Variants in GAS6 observed in about 807,000 individuals in gnomAD.
The protein encoded by GAS6 is growth arrest specific 6.
GAS6 carries 41 observed loss-of-function variants against 75.8 expected under a neutral mutation model. The ratio of observed to expected loss-of-function variants is 0.54; its 90% CI spans 0.42 to 0.70. GAS6 has a LOEUF of 0.70. Among genes scored for constraint, GAS6 ranks in the 30% least tolerant of loss-of-function variants. The pLI is 0.00. For missense variants in GAS6, 854 were observed against 940.2 expected (o/e 0.91, Z 1.20); for synonymous variants, 432 against 412.6 (o/e 1.05, Z -0.57).
chr13:113,851,335 GTGGA>G (rs2051873244), intron 2 of GAS6, among the ~76,000 whole-genome samples: 1 of 150,658 alleles, frequency 6.6e-6, no homozygotes, highest in South Asian at 2.1e-4. Context: ...GAATGAGTGG[GTGGA>G]TGGGTGAGTG....
At chr13:113,861,893 G>A (rs1048330224) in intron 2 of GAS6, among the ~76,000 whole-genome samples, 4 of 152,206 alleles carry the variant, frequency 2.6e-5, no homozygotes, top group South Asian at 2.1e-4. Flanking sequence ...AAAAGAAGCC[G>A]ACAGAGGCTG....
At chr13:113,828,271 A>T (rs1053630567) in intron 11 of GAS6, among the ~76,000 whole-genome samples, 5 of 151,996 alleles carry the variant, frequency 3.3e-5, no homozygotes, top group African/African-American at 1.2e-4. Context: ...CTCAAAAAAA[A>T]TAATAATAAT....
chr13:113,850,486 A>T (rs1182123046), intron 2 of GAS6, among the ~76,000 whole-genome samples: 3 of 152,178 alleles, frequency 2.0e-5, no homozygotes, highest in Admixed American at 6.5e-5. Flanking sequence ...AAATGGCGCC[A>T]TTTGGCCCCT....
intron 13 of GAS6, chr13:113,822,531 G>A (rs1016692743): frequency 1.8e-5 from 4 of 223,986 alleles, no homozygotes; most frequent in Middle Eastern, 2.9e-3. Context: ...CCCTGATGGG[G>A]ACCCAGGACC....
intron 4 of GAS6, chr13:113,840,071 C>T: frequency 3.4e-6 from 2 of 583,888 alleles, no homozygotes; most frequent in Middle Eastern, 4.6e-4. Flanking sequence ...AAACTCAGAT[C>T]AACTGGGAGG....
rs377122864 is a variant in GAS6, at chr13:113,854,513, C to G, written c.256-6463G>C. On this transcript the variant is annotated intron_variant, in intron 2 of 14. Transcript: ENST00000327773. ...TGAGACTCACTCTGCCCGTCTCTGC[C>G]CCAAACACAGAGCATGCTCCCGACA... Among the ~76,000 whole-genome samples the G allele has an allele frequency of 4.6e-5, 7 of 152,252 alleles. No homozygotes were observed. In the East Asian group the frequency reaches 1.3e-3, roughly 29 times the overall value.
chr13:113,825,728 G>A (rs1358918130), intron 12 of GAS6, among the ~76,000 whole-genome samples: 5 of 152,246 alleles, frequency 3.3e-5, no homozygotes, highest in Non-Finnish European at 7.3e-5. Flanking sequence ...TCAAGACTGA[G>A]GGAGAACGCG....
At chr13:113,828,263 C>CA (rs1194818933) in intron 11 of GAS6, among the ~76,000 whole-genome samples, 2 of 150,618 alleles carry the variant, frequency 1.3e-5, no homozygotes, top group African/African-American at 4.9e-5. Flanking sequence ...GACTCCGTCT[C>CA]AAAAAAAATA....
intron 8 of GAS6, chr13:113,833,594 TCGGTGTGACAGGCAC>T (rs147789382): frequency 9.0e-5 from 91 of 1,011,860 alleles, no homozygotes; most frequent in South Asian, 6.8e-4. Context: ...GTGTGACAGG[TCGGTGTGACAGGCAC>T]CGGTGTGACA....
In GAS6 at chr13:113,863,257, G is replaced by GC; in HGVS notation, c.255+317dup. Among the ~76,000 whole-genome samples the GC allele has an allele frequency of 6.6e-6, 1 of 152,332 alleles. No homozygotes were observed. The highest frequency in any genetic ancestry group is 3.4e-3 in the Middle Eastern group (1 of 294). On this transcript the variant is annotated intron_variant, in intron 2 of 14. Transcript: ENST00000327773. This position sits in a 1 kb window ranked among gnomAD's most constrained non-coding sequence, Gnocchi z 9.4. ...TCACCTCCAGCCCAGCAGAGGGAGG[G>GC]CCGCGGGGAAGCGGTTTGGGTTTTA...
intron 2 of GAS6, among the ~76,000 whole-genome samples, chr13:113,858,936 C>T (rs368139034): frequency 4.6e-4 from 68 of 147,126 alleles, no homozygotes; most frequent in African/African-American, 9.2e-4. Flanking sequence ...TATGTGTGTG[C>T]GTGTCATGCA....
rs1448697891 is a variant in GAS6 at position 113,826,471 on chromosome 13, A to G, written c.1477+525T>C. ...CCCAGCCTCCCGGCGCCGGCCTCGC[A>G]GGCACCTTCTCTCCCCGGCCTCCCG... On this transcript the variant is annotated intron_variant, in intron 12 of 14. Transcript: ENST00000327773. Among the ~76,000 whole-genome samples the G allele has an allele frequency of 5.4e-3, 487 of 89,600 alleles. 12 individuals are homozygous for G. The highest frequency in any genetic ancestry group is 0.021 in the African/African-American group (437 of 21,020). 58.8% of individuals were successfully genotyped at this position (89,600 alleles called of 152,430 possible). A position where few individuals can be genotyped will look rare whatever the true frequency, so the allele number is the denominator to read the frequency against.
At position 113,835,571 on chromosome 13, in the gene GAS6, G is replaced by A; in HGVS notation, c.654C>T (p.Ser218=). ...GEARCKNLPG[S]YSCLCDEGFA... Reference sequence around the variant, plus strand: ...AGCCCTCGTCACAGAGGCAGGAGTAGGAGCCGGGCAGGTTCTTGCAGCGCG... The same window carrying A: ...AGCCCTCGTCACAGAGGCAGGAGTAAGAGCCGGGCAGGTTCTTGCAGCGCG... The change falls in exon 7 of 15, where the codon TCC becomes TCT. Residue 218 remains serine (S), a synonymous_variant. Coordinates refer to ENST00000327773, the MANE Select transcript of GAS6 (RefSeq NM_000820.4). 2.5e-6 allele frequency: 4 copies of A among 1,612,614 alleles called. No homozygotes were observed. Among genetic ancestry groups the A allele is most frequent in the South Asian group, 1.1e-5 (1 of 91,082 alleles).
At chr13:113,821,043 T>G (rs371141185) in intron 14 of GAS6, 25 bp from the exon 15 acceptor site, 2 of 1,605,914 alleles carry the variant, frequency 1.2e-6, no homozygotes, top group African/African-American at 2.7e-5. Context: ...GAGAACAACA[T>G]ATCTTAGCTC....
chr13:113,863,433 G>A lies in GAS6; in HGVS notation c.255+142C>T, dbSNP rs2051989118. 2.7e-6 allele frequency: 2 copies of A among 737,860 alleles called. No individual in the cohort carries two copies. Among genetic ancestry groups the A allele is most frequent in the Non-Finnish European group, 3.8e-6 (2 of 528,586 alleles). The allele number at this position is 737,860 out of a possible 1,614,324, so 45.7% of individuals were successfully genotyped here. ...GCCGGGGGATGGGCGTGGGGGACGC[G>A]GGGCGGGCCGGGGCTCCTGGGACCC... On this transcript the variant is annotated intron_variant, in intron 2 of 14. Coordinates refer to ENST00000327773, the MANE Select transcript of GAS6 (RefSeq NM_000820.4). The surrounding 1 kb of genome is among the most constrained non-coding windows in gnomAD (Gnocchi z 9.4).
intron 14 of GAS6, 101 bp downstream of exon 14, chr13:113,821,857 C>A (rs1219837653): frequency 1.1e-6 from 1 of 919,838 alleles, no homozygotes; most frequent in Non-Finnish European, 1.6e-6. Flanking sequence ...CTTCCGCATT[C>A]ACTACCAGAA....
chr13:113,840,384 G>T (rs1177183426), intron 4 of GAS6: 1 of 161,096 alleles, frequency 6.2e-6, no homozygotes, highest in Non-Finnish European at 1.3e-5. Context: ...CACGTGTCTT[G>T]ATGGCTTTAG....
intron 2 of GAS6, among the ~76,000 whole-genome samples, chr13:113,854,425 T>C: frequency 6.6e-6 from 1 of 152,334 alleles, no homozygotes; most frequent in East Asian, 1.9e-4. Context: ...CGCATGGCAG[T>C]GACGCCGAGA....
At chr13:113,854,851 T>C (rs1183000678) in intron 2 of GAS6, among the ~76,000 whole-genome samples, 2 of 152,180 alleles carry the variant, frequency 1.3e-5, no homozygotes, top group African/African-American at 4.8e-5. Context: ...ACGCCACTGT[T>C]TGCACGTGGT....
Sources: gnomAD v4.1 joint callset for allele counts (sites outside exome capture counted in the v4.1 genomes callset) on GRCh38, gnomAD v4.1.1 for gene constraint, Gnocchi (gnomAD v3.1) non-coding constraint, MANE v1.5 for transcripts, NCBI Gene and HGNC (gene_info 2026-07-23, HGNC 2026-07-21) for gene names.